The following FOXP1 variants were observed in gnomAD, a reference collection of about 807,000 sequenced individuals.
FOXP1 encodes the protein forkhead box P1.
A neutral mutation model predicts 98.2 loss-of-function variants in FOXP1; 15 were observed. The observed-to-expected ratio is 0.15, with a 90% CI of 0.10 to 0.24. The LOEUF is 0.24. Ranked by LOEUF, FOXP1 falls within the 10% of genes least tolerant of loss-of-function variation. The pLI, the probability that FOXP1 is intolerant of heterozygous loss-of-function variation, is 1.00. For synonymous variants in FOXP1, 371 were observed against 314.5 expected, an observed-to-expected ratio of 1.18 and a Z score of -1.90; for missense variants, 633 against 848.5, an observed-to-expected ratio of 0.75 and a Z score of 3.15.
At chr3:71,484,785 G>C (rs1421947442) in intron 3 of FOXP1, among the ~76,000 whole-genome samples, 1 of 152,116 alleles carries the variant, frequency 6.6e-6, no homozygotes, top group African/African-American at 2.4e-5. Flanking sequence ...TATTTAATGC[G>C]CTTCCCAGGC....
chr3:71,062,844 T>G (rs1264739008), intron 7 of FOXP1, among the ~76,000 whole-genome samples: 1 of 152,244 alleles, frequency 6.6e-6, no homozygotes, highest in Non-Finnish European at 1.5e-5. Context: ...CTCAATAGAT[T>G]TCTTTCTTAG....
chr3:70,986,129 C>T (rs533454521), intron 14 of FOXP1, among the ~76,000 whole-genome samples: 4 of 152,018 alleles, frequency 2.6e-5, no homozygotes, highest in African/African-American at 9.6e-5. Flanking sequence ...TTTTTTAATA[C>T]TAATCAAGAC....
intron 6 of FOXP1, among the ~76,000 whole-genome samples, chr3:71,146,141 A>G (rs1030370215): frequency 6.6e-6 from 1 of 152,204 alleles, no homozygotes; most frequent in Admixed American, 6.5e-5. Flanking sequence ...GAAGACTGGG[A>G]GAAGCAGTCC....
chr3:71,220,323 A>G (rs1474633323), intron 5 of FOXP1, among the ~76,000 whole-genome samples: 1 of 152,242 alleles, frequency 6.6e-6, no homozygotes, highest in Non-Finnish European at 1.5e-5. Flanking sequence ...GACATTTCTC[A>G]GCCCAAGTGA....
intron 4 of FOXP1, among the ~76,000 whole-genome samples, chr3:71,317,897 G>C (rs2107653932): frequency 6.6e-6 from 1 of 151,394 alleles, no homozygotes; most frequent in East Asian, 2.0e-4. Flanking sequence ...ATATGAGCAA[G>C]AACAGCTTAG....
chr3:71,162,460 A>T (rs1022577357), intron 6 of FOXP1, among the ~76,000 whole-genome samples: 1 of 152,254 alleles, frequency 6.6e-6, no homozygotes, highest in African/African-American at 2.4e-5. Flanking sequence ...GGGAGCCAGT[A>T]CCATTAAGAC....
intron 14 of FOXP1, among the ~76,000 whole-genome samples, chr3:70,979,605 T>TAGTTA (rs2038427404): frequency 6.6e-6 from 1 of 151,870 alleles, no homozygotes; most frequent in Admixed American, 6.5e-5. Context: ...TCACTTACCA[T>TAGTTA]AGTAAGTCTA....
chr3:71,207,637 C>T (rs373236953), intron 5 of FOXP1, among the ~76,000 whole-genome samples: 8 of 152,312 alleles, frequency 5.3e-5, no homozygotes, highest in African/African-American at 1.7e-4. Context: ...CCACCCTCAC[C>T]CTGGTCGGTG....
chr3:70,992,535 A>C (rs1455961144), intron 13 of FOXP1, among the ~76,000 whole-genome samples: 1 of 152,196 alleles, frequency 6.6e-6, no homozygotes, highest in Non-Finnish European at 1.5e-5. Context: ...ATGGCTTCAG[A>C]ACTTAGTACC....
chr3:70,971,191 G>GCAGAGA, intron 18 of FOXP1: 1 of 296,298 alleles, frequency 3.4e-6, no homozygotes, highest in South Asian at 3.4e-5. Flanking sequence ...CTGGGCACGA[G>GCAGAGA]CAGAGAGAAT....
At chr3:71,307,049 CTTAA>C (rs1260898204) in intron 4 of FOXP1, among the ~76,000 whole-genome samples, 1 of 152,120 alleles carries the variant, frequency 6.6e-6, no homozygotes, top group East Asian at 1.9e-4. Flanking sequence ...GTCTTAGTAA[CTTAA>C]TTATTTTTTA....
chr3:71,342,568 CT>C (rs1483917180), intron 4 of FOXP1, among the ~76,000 whole-genome samples: 1 of 151,998 alleles, frequency 6.6e-6, no homozygotes, highest in East Asian at 1.9e-4. Flanking sequence ...TGGCAGACTC[CT>C]GTAGTTCCAG....
intron 5 of FOXP1, among the ~76,000 whole-genome samples, chr3:71,259,596 C>A (rs2068923998): frequency 6.6e-6 from 1 of 152,034 alleles, no homozygotes; most frequent in African/African-American, 2.4e-5. Flanking sequence ...GAGACGACCC[C>A]AATCGACTGA....
chr3:71,553,829 A>G (rs1223438447), intron 2 of FOXP1, among the ~76,000 whole-genome samples: 1 of 152,212 alleles, frequency 6.6e-6, no homozygotes. Flanking sequence ...ATTCAACATT[A>G]GTCTCAAAAC....
At chr3:71,071,166 A>G (rs2053181488) in intron 7 of FOXP1, among the ~76,000 whole-genome samples, 1 of 152,162 alleles carries the variant, frequency 6.6e-6, no homozygotes, top group Non-Finnish European at 1.5e-5. Context: ...CCTTTTCTAG[A>G]AAAAAAGGTT....
At chr3:71,257,349 G>A (rs1402268513) in intron 5 of FOXP1, among the ~76,000 whole-genome samples, 1 of 152,064 alleles carries the variant, frequency 6.6e-6, no homozygotes, top group East Asian at 1.9e-4. Flanking sequence ...GGCCGAGATG[G>A]GCAGATCACC....
At chr3:70,977,438 T>C (rs1372891142) in intron 16 of FOXP1, among the ~76,000 whole-genome samples, 1 of 152,232 alleles carries the variant, frequency 6.6e-6, no homozygotes, top group Non-Finnish European at 1.5e-5. Flanking sequence ...TTCACTGTTG[T>C]GTGAAATGAA....
rs71120336 is a variant in FOXP1 at position 71,492,451 on chromosome 3, CA to C, written c.-168+974del. On this transcript the variant is annotated intron_variant, in intron 3 of 20. Coordinates refer to ENST00000649528, the MANE Select transcript of FOXP1 (RefSeq NM_001349338.3). ...TGGAACAATTGGGAAACTCCGTCTC[CA>C]AAAAAAAAAAAGAAAAAAAATCAAA... is the stretch of plus-strand genomic sequence containing the variant. Among the ~76,000 whole-genome samples the C allele has an allele frequency of 6.2e-3, 796 of 128,638 alleles. 6 individuals are homozygous for C. The highest frequency in any genetic ancestry group is 0.017 in the African/African-American group (610 of 35,246). The allele number at this position is 128,638 out of a possible 152,430, so 84.4% of individuals were successfully genotyped here. A position where few individuals can be genotyped will look rare whatever the true frequency, so the allele number is the denominator to read the frequency against.
chr3:71,378,709 A>T (rs2079915793), intron 3 of FOXP1, among the ~76,000 whole-genome samples: 1 of 151,422 alleles, frequency 6.6e-6, no homozygotes, highest in Non-Finnish European at 1.5e-5. Context: ...AATATATATA[A>T]TTGTTTTATT....
Sources: gnomAD v4.1 joint callset for allele counts (sites outside exome capture counted in the v4.1 genomes callset) on GRCh38, gnomAD v4.1.1 for gene constraint, MANE v1.5 for transcripts, NCBI Gene and HGNC (gene_info 2026-07-23, HGNC 2026-07-21) for gene names.